OR10K1: variants seen among roughly 807,000 people sequenced by gnomAD.
OR10K1 encodes the protein olfactory receptor 10K1.
For synonymous variants in OR10K1, 186 were observed against 152.5 expected (o/e 1.22, Z -1.62); for missense variants, 404 against 373.3 (o/e 1.08, Z -0.68).
Position 158,466,416 on chromosome 1 carries a change from C to T in OR10K1, c.855C>T (p.Phe285=), listed in dbSNP as rs1245968250. 1.2e-6 allele frequency: 2 copies of T among 1,613,838 alleles called. No homozygotes were observed. The highest frequency in any genetic ancestry group is 4.5e-5 in the East Asian group (2 of 44,876). Residue 285 remains phenylalanine, a synonymous_variant, in exon 2 of 2, where the codon TTC becomes TTT. Transcript: ENST00000641535. ...CATACACCATCCTTACCCCATTGTT[C>T]AATCCAATGATTTATAGTCTGAGAA... ...SVSYTILTPL[F]NPMIYSLRNK...
chr1:158,462,441 C>CCTTCCTCCCTTCCT (rs1655942912), intron 1 of OR10K1, among the ~76,000 whole-genome samples: 1 of 151,082 alleles, frequency 6.6e-6, no homozygotes, highest in African/African-American at 2.4e-5. Context: ...TCCTCTACTT[C>CCTTCCTCCCTTCCT]TCTTTTTTGT....
rs1035416513 is a variant in OR10K1, at chr1:158,465,487, C to T, written c.-75C>T. 11 of 1,150,572 alleles carry T rather than the reference C, an allele frequency of 9.6e-6. No individual in the cohort carries two copies. The African/African-American group carries it at 1.1e-4, about 11-fold the overall frequency. 71.3% of individuals were successfully genotyped at this position (1,150,572 alleles called of 1,614,324 possible). A position where few individuals can be genotyped will look rare whatever the true frequency, so the allele number is the denominator to read the frequency against. Reference sequence around the variant, plus strand: ...CCTGCAAACTTTGTGTGAAATTTCCCGTACATTTCCACTCTCCTTTCTGGA... The same window carrying T: ...CCTGCAAACTTTGTGTGAAATTTCCTGTACATTTCCACTCTCCTTTCTGGA... On this transcript the variant is annotated 5_prime_UTR_variant, in exon 2 of 2. Coordinates refer to ENST00000641535, the MANE Select transcript of OR10K1 (RefSeq NM_001004473.2).
chr1:158,464,637 A>ATT (rs1280039230), intron 1 of OR10K1, among the ~76,000 whole-genome samples: 2 of 152,040 alleles, frequency 1.3e-5, no homozygotes, highest in Non-Finnish European at 2.9e-5. Context: ...AATGTTATTT[A>ATT]TTTTTATTTT....
At position 158,465,780 on chromosome 1, in the gene OR10K1, T is replaced by C. The variant is rs1264344595; in HGVS notation, c.219T>C (p.Tyr73=). ...LAILSCSEIC[Y]TFVIVPKMLV... Reference sequence around the variant, plus strand: ...TCCTTTCTTGCTCTGAGATTTGCTATACCTTTGTCATTGTACCCAAGATGC... The same window carrying C: ...TCCTTTCTTGCTCTGAGATTTGCTACACCTTTGTCATTGTACCCAAGATGC... The change falls in exon 2 of 2, where the codon TAT becomes TAC. Residue 73 remains tyrosine, a synonymous_variant. Coordinates refer to ENST00000641535, the MANE Select transcript of OR10K1 (RefSeq NM_001004473.2). 16 of 1,614,110 alleles carry C rather than the reference T, an allele frequency of 9.9e-6. No homozygotes were observed. The highest frequency in any genetic ancestry group is 3.3e-5 in the South Asian group (3 of 91,090).
Position 158,465,498 on chromosome 1 carries a change from A to C in OR10K1, c.-64A>C. 1.6e-6 allele frequency: 2 copies of C among 1,290,004 alleles called. No individual in the cohort carries two copies. The highest frequency in any genetic ancestry group is 2.2e-6 in the Non-Finnish European group (2 of 919,276). The allele number at this position is 1,290,004 out of a possible 1,614,324, so 79.9% of individuals were successfully genotyped here. A position where few individuals can be genotyped will look rare whatever the true frequency, so the allele number is the denominator to read the frequency against. On this transcript the variant is annotated 5_prime_UTR_variant, in exon 2 of 2. Transcript: ENST00000641535. ...TGTGTGAAATTTCCCGTACATTTCC[A>C]CTCTCCTTTCTGGATCCTGGTTTCT...
In OR10K1 at chr1:158,466,122, G is replaced by A. The variant is rs1238014535; in HGVS notation, c.561G>A (p.Leu187=). 1.2e-6 allele frequency: 2 copies of A among 1,613,828 alleles called. 1 individual carries two copies. Among genetic ancestry groups the A allele is most frequent in the South Asian group, 2.2e-5 (2 of 91,056 alleles). ...FFCDISPVLK[L]ASQHSGFSQL... ...GTGACATCTCCCCTGTCCTTAAACT[G>A]GCATCTCAGCACTCCGGCTTCAGTC... is the stretch of plus-strand genomic sequence containing the variant. The change falls in exon 2 of 2, where the codon CTG becomes CTA. Residue 187 remains leucine, a synonymous_variant. Transcript: ENST00000641535.
Position 158,466,523 on chromosome 1 carries a change from C to T in OR10K1, c.*20C>T, listed in dbSNP as rs1269213376. The T allele has an allele frequency of 2.0e-6, 3 of 1,473,200 alleles. No homozygotes were observed. The highest frequency in any genetic ancestry group is 2.8e-5 in the African/African-American group (2 of 71,742). 91.3% of individuals were successfully genotyped at this position (1,473,200 alleles called of 1,614,324 possible). The stretch of plus-strand genomic sequence containing the variant: ...AGTTAAAGAGCTATTTTTTAAACTA[C>T]TAATGCCTAGTACATGCCAGGCAGA... On this transcript the variant is annotated 3_prime_UTR_variant, in exon 2 of 2. Coordinates refer to ENST00000641535, the MANE Select transcript of OR10K1 (RefSeq NM_001004473.2).
rs1557872548 is a variant in OR10K1, at chr1:158,465,712, C to T, written c.151C>T (p.Leu51=). Residue 51 remains leucine (L), a synonymous_variant, in exon 2 of 2, where the codon CTG becomes TTG. Coordinates refer to ENST00000641535, the MANE Select transcript of OR10K1 (RefSeq NM_001004473.2). ...TNAIIISTIV[L]DRALHTPMYF... Reference sequence around the variant, plus strand: ...TGCAATCATCATTTCCACCATTGTGCTGGACAGAGCCCTTCATACTCCCAT... The same window carrying T: ...TGCAATCATCATTTCCACCATTGTGTTGGACAGAGCCCTTCATACTCCCAT... 1 of 1,614,206 alleles carries T rather than the reference C, an allele frequency of 6.2e-7. No homozygotes were observed. Among genetic ancestry groups the T allele is most frequent in the East Asian group, 2.2e-5 (1 of 44,874 alleles).
chr1:158,465,065 C>T (rs935147622), intron 1 of OR10K1, among the ~76,000 whole-genome samples: 1 of 152,234 alleles, frequency 6.6e-6, no homozygotes, highest in African/African-American at 2.4e-5. Context: ...TGTGTGCTCA[C>T]ATCTTTACTT....
intron 1 of OR10K1, 141 bp from the exon 2 acceptor site, chr1:158,465,265 C>T (rs912485789): frequency 2.4e-6 from 1 of 415,228 alleles, no homozygotes; most frequent in Admixed American, 4.0e-5. Context: ...AAACAACAAT[C>T]TCTCTGTTAC....
intron 1 of OR10K1, among the ~76,000 whole-genome samples, chr1:158,463,479 G>T (rs1257958730): frequency 6.6e-6 from 1 of 152,190 alleles, no homozygotes; most frequent in Non-Finnish European, 1.5e-5. Flanking sequence ...ACTAGAATCA[G>T]CTGTCCTCAT....
At position 158,466,101 on chromosome 1, in the gene OR10K1, C is replaced by T; in HGVS notation, c.540C>T (p.Asp180=). The T allele has an allele frequency of 1.9e-6, 3 of 1,613,918 alleles. No homozygotes were observed. Among genetic ancestry groups the T allele is most frequent in the Non-Finnish European group, 2.5e-6 (3 of 1,179,912 alleles). The change falls in exon 2 of 2, where the codon GAC becomes GAT. Residue 180 remains aspartate, a synonymous_variant. Coordinates refer to ENST00000641535, the MANE Select transcript of OR10K1 (RefSeq NM_001004473.2). The stretch of plus-strand genomic sequence containing the variant: ...ACCAGCTCCATCACTTCTTCTGTGA[C>T]ATCTCCCCTGTCCTTAAACTGGCAT... ...SSNQLHHFFC[D]ISPVLKLASQ...
At chr1:158,462,466 A>G (rs1312977366) in intron 1 of OR10K1, among the ~76,000 whole-genome samples, 1 of 145,964 alleles carries the variant, frequency 6.9e-6, no homozygotes, top group African/African-American at 2.6e-5. Context: ...TGGTGGATTC[A>G]TGGATTAAAT....
At position 158,466,349 on chromosome 1, in the gene OR10K1, A is replaced by G; in HGVS notation, c.788A>G (p.Lys263Arg). 1 of 1,614,084 alleles carries G rather than the reference A, an allele frequency of 6.2e-7. No homozygotes were observed. Among genetic ancestry groups the G allele is most frequent in the Non-Finnish European group, 8.5e-7 (1 of 1,180,002 alleles). Residue 263 changes from lysine to arginine, a missense_variant, in exon 2 of 2, where the codon AAG (lysine) becomes AGG (arginine). Coordinates refer to ENST00000641535, the MANE Select transcript of OR10K1 (RefSeq NM_001004473.2). ...SCASFIYLRP[K>R]TNYTSSQDTL... Reference sequence around the variant, plus strand: ...GCCTCTTTCATCTACTTAAGGCCCAAGACTAATTACACTTCAAGCCAAGAC... The same window carrying G: ...GCCTCTTTCATCTACTTAAGGCCCAGGACTAATTACACTTCAAGCCAAGAC...
At position 158,465,777 on chromosome 1, in the gene OR10K1, C is replaced by T; in HGVS notation, c.216C>T (p.Cys72=). 2 of 1,614,222 alleles carry T rather than the reference C, an allele frequency of 1.2e-6. No homozygotes were observed. The highest frequency in any genetic ancestry group is 2.2e-5 in the East Asian group (1 of 44,886). ...FLAILSCSEI[C]YTFVIVPKML... Reference sequence around the variant, plus strand: ...CCATCCTTTCTTGCTCTGAGATTTGCTATACCTTTGTCATTGTACCCAAGA... The same window carrying T: ...CCATCCTTTCTTGCTCTGAGATTTGTTATACCTTTGTCATTGTACCCAAGA... The change falls in exon 2 of 2, where the codon TGC becomes TGT. Residue 72 remains cysteine (C), a synonymous_variant. Coordinates refer to ENST00000641535, the MANE Select transcript of OR10K1 (RefSeq NM_001004473.2).
At chr1:158,462,040 G>A (rs1177045141) in intron 1 of OR10K1, 136 bp downstream of exon 1, 1 of 152,184 alleles carries the variant, frequency 6.6e-6, no homozygotes, top group Non-Finnish European at 1.5e-5. Context: ...AACACTTTGA[G>A]AGGACAAGAT....
chr1:158,466,590 C>A lies in OR10K1; in HGVS notation c.*87C>A. The A allele has an allele frequency of 1.2e-6, 1 of 807,046 alleles. No individual in the cohort carries two copies. Among genetic ancestry groups the A allele is most frequent in the Non-Finnish European group, 2.0e-6 (1 of 489,394 alleles). The allele number at this position is 807,046 out of a possible 1,614,324, so 50.0% of individuals were successfully genotyped here. On this transcript the variant is annotated 3_prime_UTR_variant, in exon 2 of 2. Coordinates refer to ENST00000641535, the MANE Select transcript of OR10K1 (RefSeq NM_001004473.2). ...TTTTTTTTCATTTAATTGTCCAGCT[C>A]CACTGTAACATAAGAACATTTTACA...
intron 1 of OR10K1, among the ~76,000 whole-genome samples, chr1:158,463,013 G>A (rs1373494853): frequency 4.6e-5 from 7 of 152,042 alleles, no homozygotes; most frequent in Admixed American, 3.3e-4. Flanking sequence ...ATAGTACTCC[G>A]ATACTATCTT....
chr1:158,465,590 G>A lies in OR10K1; in HGVS notation c.29G>A (p.Arg10Lys). The A allele has an allele frequency of 1.2e-6, 2 of 1,614,034 alleles. No individual in the cohort carries two copies. Among genetic ancestry groups the A allele is most frequent in the Non-Finnish European group, 1.7e-6 (2 of 1,179,994 alleles). Residue 10 changes from arginine to lysine, a missense_variant, in exon 2 of 2, where the codon AGA becomes AAA. By Grantham distance (26) the Arg-to-Lys change is conservative. Coordinates refer to ENST00000641535, the MANE Select transcript of OR10K1 (RefSeq NM_001004473.2). ...GAGCAAGTCAATAAGACTGTGGTGA[G>A]AGAGTTCGTCGTCCTCGGCTTCTCA... MEQVNKTVVREFVVLGFSSL... is the reference protein window; with the variant it reads MEQVNKTVVKEFVVLGFSSL...
Sources: allele counts gnomAD v4.1 joint callset (sites outside exome capture counted in the v4.1 genomes callset), GRCh38; gene constraint gnomAD v4.1.1; transcripts MANE v1.5; gene names NCBI Gene and HGNC (gene_info 2026-07-23, HGNC 2026-07-21).